Variants in TRAF6 observed in about 807,000 individuals in gnomAD.
TRAF6 encodes TNF receptor associated factor 6.
A neutral mutation model predicts 48.4 loss-of-function variants in TRAF6; 10 were observed. The observed-to-expected ratio is 0.21, with a 90% CI of 0.13 to 0.35. The LOEUF (loss-of-function observed/expected upper bound fraction) is 0.35. Ranked by LOEUF, TRAF6 falls within the 10% of genes least tolerant of loss-of-function variation. The pLI, the probability that TRAF6 is intolerant of heterozygous loss-of-function variation, is 1.00. For synonymous variants in TRAF6, 186 were observed against 219.6 expected, an observed-to-expected ratio of 0.85 and a Z score of 1.35; for missense variants, 397 against 661.0, an observed-to-expected ratio of 0.60 and a Z score of 4.38.
chr11:36,505,762 GT>G (rs912322665), intron 1 of TRAF6, among the ~76,000 whole-genome samples: 1 of 152,062 alleles, frequency 6.6e-6, no homozygotes, highest in African/African-American at 2.4e-5. Context: ...TGGCTCTTTG[GT>G]TTACTTGAAC....
At chr11:36,501,615 T>C in intron 1 of TRAF6, 78 bp from the exon 2 acceptor site, 1 of 1,076,352 alleles carries the variant, frequency 9.3e-7, no homozygotes, top group South Asian at 2.0e-5. Context: ...TCATAGCTTA[T>C]CTATACAAGT....
intron 1 of TRAF6, among the ~76,000 whole-genome samples, chr11:36,503,471 C>T (rs538759629): frequency 2.6e-5 from 4 of 152,194 alleles, no homozygotes; most frequent in South Asian, 2.1e-4. Context: ...TTAGTAGAGA[C>T]GGGGTTTTGC....
At position 36,490,683 on chromosome 11, in the gene TRAF6, T is replaced by C; in HGVS notation, c.757-33A>G. On this transcript the variant is annotated intron_variant, in intron 6 of 6. Coordinates refer to ENST00000526995, the MANE Select transcript of TRAF6 (RefSeq NM_004620.4). This position sits in a 1 kb window ranked among gnomAD's most constrained non-coding sequence, Gnocchi z 6.4. ...TCAAGCACAAGCCTTAGGCTGGGAA[T>C]AGATACCGTGAGGAGTAGGAAAAGG... 1 of 1,575,592 alleles carries C rather than the reference T, an allele frequency of 6.3e-7. No homozygotes were observed. Among genetic ancestry groups the C allele is most frequent in the Non-Finnish European group, 8.6e-7 (1 of 1,158,248 alleles).
intron 3 of TRAF6, 127 bp from the exon 4 acceptor site, chr11:36,497,393 G>A (rs1859654681): frequency 7.5e-6 from 6 of 799,046 alleles, no homozygotes; most frequent in Non-Finnish European, 1.1e-5. Context: ...GCACACCACA[G>A]AACCATTCAC....
At chr11:36,505,247 C>A (rs1318554601) in intron 1 of TRAF6, among the ~76,000 whole-genome samples, 1 of 152,174 alleles carries the variant, frequency 6.6e-6, no homozygotes, top group South Asian at 2.1e-4. Flanking sequence ...CAATAAAAGG[C>A]TGTTAAGTAT....
Position 36,484,035 on chromosome 11 carries a change from G to T in TRAF6, c.*5803C>A, listed in dbSNP as rs964206385. Among the ~76,000 whole-genome samples the T allele has an allele frequency of 6.6e-6, 1 of 152,164 alleles. No homozygotes were observed. Among genetic ancestry groups the T allele is most frequent in the Non-Finnish European group, 1.5e-5 (1 of 68,038 alleles). Reference sequence around the variant, plus strand: ...AATCCACATTCACAACCTGGGTTGAGAAAGGTCACACTTCTCTACTTACTA... The same window carrying T: ...AATCCACATTCACAACCTGGGTTGATAAAGGTCACACTTCTCTACTTACTA... On this transcript the variant is annotated 3_prime_UTR_variant, in exon 7 of 7. Transcript: ENST00000526995.
intron 4 of TRAF6, 77 bp from the exon 5 acceptor site, chr11:36,495,124 C>G: frequency 9.5e-7 from 1 of 1,051,430 alleles, no homozygotes; most frequent in Non-Finnish European, 1.5e-6. Context: ...TGATAAAAAG[C>G]AATTTTTCAC....
At chr11:36,499,970 TA>T (rs1859693854) in intron 2 of TRAF6, among the ~76,000 whole-genome samples, 1 of 152,230 alleles carries the variant, frequency 6.6e-6, no homozygotes, top group South Asian at 2.1e-4. Flanking sequence ...TGAATTATAG[TA>T]AAATGTATCT....
intron 6 of TRAF6, among the ~76,000 whole-genome samples, chr11:36,492,036 C>T (rs996751649): frequency 2.6e-5 from 4 of 152,182 alleles, no homozygotes; most frequent in African/African-American, 9.7e-5. Context: ...AGACGCCTCC[C>T]TCTCCTTCAC....
chr11:36,493,619 T>A (rs1229479281), intron 5 of TRAF6, among the ~76,000 whole-genome samples: 1 of 152,124 alleles, frequency 6.6e-6, no homozygotes, highest in Non-Finnish European at 1.5e-5. Flanking sequence ...TGTCAACTTG[T>A]TAAAGATGAG....
intron 3 of TRAF6, among the ~76,000 whole-genome samples, chr11:36,497,705 T>A (rs1341578713): frequency 2.0e-5 from 3 of 152,222 alleles, no homozygotes; most frequent in Non-Finnish European, 4.4e-5. Flanking sequence ...AATTATTTTA[T>A]AATCTGATTG....
At chr11:36,503,330 T>C (rs894760608) in intron 1 of TRAF6, among the ~76,000 whole-genome samples, 1 of 151,208 alleles carries the variant, frequency 6.6e-6, no homozygotes, top group African/African-American at 2.4e-5. Flanking sequence ...AGTCTCACTC[T>C]GTCGCTCAGG....
chr11:36,492,123 G>T (rs1408211070), intron 6 of TRAF6, among the ~76,000 whole-genome samples: 1 of 152,094 alleles, frequency 6.6e-6, no homozygotes, highest in Non-Finnish European at 1.5e-5. Flanking sequence ...CTATCTTGAC[G>T]GTCATCGCCA....
Position 36,487,207 on chromosome 11 carries a change from G to T in TRAF6, c.*2631C>A, listed in dbSNP as rs1036628127. The T allele has an allele frequency of 6.6e-6, 1 of 152,202 alleles. No individual in the cohort carries two copies. The highest frequency in any genetic ancestry group is 1.5e-5 in the Non-Finnish European group (1 of 68,028). 9.4% of individuals were successfully genotyped at this position (152,202 alleles called of 1,614,324 possible). On this transcript the variant is annotated 3_prime_UTR_variant, in exon 7 of 7. Transcript: ENST00000526995. The stretch of plus-strand genomic sequence containing the variant: ...ATGCCAAAAGATAAATATGGTAAAA[G>T]GTGGTTAGTAACATACAACATAAAG...
intron 1 of TRAF6, among the ~76,000 whole-genome samples, chr11:36,505,377 C>T (rs973436783): frequency 1.3e-5 from 2 of 152,196 alleles, no homozygotes. Context: ...TTTTATGTTA[C>T]GGAGATGCGT....
intron 4 of TRAF6, among the ~76,000 whole-genome samples, chr11:36,495,605 G>A (rs746926372): frequency 6.6e-6 from 1 of 152,116 alleles, no homozygotes; most frequent in Non-Finnish European, 1.5e-5. Context: ...TTAGAAAGGA[G>A]TTGTCGGGCC....
intron 4 of TRAF6, chr11:36,496,542 T>TG (rs1440834108): frequency 2.6e-5 from 4 of 152,302 alleles, no homozygotes; most frequent in Non-Finnish European, 5.8e-5. Context: ...ATCATGCCAT[T>TG]GCACTCCAGC....
intron 3 of TRAF6, among the ~76,000 whole-genome samples, chr11:36,498,208 C>A (rs922148238): frequency 1.3e-5 from 2 of 152,132 alleles, no homozygotes; most frequent in African/African-American, 4.8e-5. Context: ...AAATGCTCCT[C>A]AGGTTTACTG....
chr11:36,507,924 T>C (rs1026832399), intron 1 of TRAF6, among the ~76,000 whole-genome samples: 11 of 150,944 alleles, frequency 7.3e-5, no homozygotes, highest in Admixed American at 7.3e-4. Context: ...GGCACGATCA[T>C]GGCTCATTGC....
Sources: allele counts gnomAD v4.1 joint callset (sites outside exome capture counted in the v4.1 genomes callset), GRCh38; gene constraint gnomAD v4.1.1; non-coding constraint Gnocchi (gnomAD v3.1); transcripts MANE v1.5; gene names NCBI Gene and HGNC (gene_info 2026-07-23, HGNC 2026-07-21).